The following MFAP1 variants were observed in gnomAD, a reference collection of about 807,000 sequenced individuals.
MFAP1 encodes microfibril associated protein 1.
In MFAP1, 18 loss-of-function variants were observed where a neutral mutation model predicts 62.2. The observed-to-expected ratio is 0.29, with a 90% CI of 0.20 to 0.43. MFAP1 has a LOEUF of 0.43. Ranked by LOEUF, MFAP1 falls within the 20% of genes least tolerant of loss-of-function variation. The pLI is 1.00. For synonymous variants in MFAP1, 175 were observed against 180.4 expected (o/e 0.97, Z 0.24); for missense variants, 355 against 559.7 (o/e 0.63, Z 3.69).
Position 43,809,738 on chromosome 15 carries a change from C to T in MFAP1, c.1047+17G>A. The T allele has an allele frequency of 6.2e-7, 1 of 1,609,384 alleles. No individual in the cohort carries two copies. Among genetic ancestry groups the T allele is most frequent in the Non-Finnish European group, 8.5e-7 (1 of 1,176,594 alleles). On this transcript the variant is annotated intron_variant, in intron 7 of 8. Coordinates refer to ENST00000267812, the MANE Select transcript of MFAP1 (RefSeq NM_005926.3). ...ATTCCTACTGCCCAATTTTCTGACT[C>T]TCTTTTCACTTCTTACCATGAAGAA...
chr15:43,805,134 A>C lies in MFAP1; in HGVS notation c.1280T>G (p.Val427Gly). 6.3e-7 allele frequency: 1 copy of C among 1,595,678 alleles called. No individual in the cohort carries two copies. Among genetic ancestry groups the C allele is most frequent in the Non-Finnish European group, 8.6e-7 (1 of 1,164,684 alleles). ...CTTCTTGGCAGATGGCCGCTCAAAT[A>C]CATCTCGTACCCCAGCTGCCTTTTG... ...FKQKAAGVRD[V>G]FERPSAKKRK... Residue 427 changes from valine to glycine, a missense_variant, in exon 9 of 9, where the codon GTA (valine) becomes GGA (glycine). Transcript: ENST00000267812.
At chr15:43,812,478 C>T (rs1242360377) in intron 6 of MFAP1, among the ~76,000 whole-genome samples, 1 of 152,128 alleles carries the variant, frequency 6.6e-6, no homozygotes, top group East Asian at 1.9e-4. Flanking sequence ...CAGTCTAATC[C>T]AGTGAAGGAT....
chr15:43,821,209 G>T (rs965261059), intron 1 of MFAP1, among the ~76,000 whole-genome samples: 1 of 152,108 alleles, frequency 6.6e-6, no homozygotes, highest in Non-Finnish European at 1.5e-5. Flanking sequence ...AATGTACAAG[G>T]CTTTTAGGAG....
rs777008327 is a variant in MFAP1 at position 43,817,373 on chromosome 15, G to T, written c.155C>A (p.Ser52Tyr). Residue 52 changes from serine (S) to tyrosine (Y), a missense_variant, in exon 2 of 9, where the codon TCC (serine) becomes TAC (tyrosine). Transcript: ENST00000267812. ...AAATTCTTCATCCTCCTCATCTGAG[G>T]ACTCCATAGGGGCATAGTCTGGCCT... ...GKRPDYAPME[S>Y]SDEEDEEFQF... is the part of the protein sequence containing the mutation. 1.9e-6 allele frequency: 3 copies of T among 1,614,070 alleles called. No homozygotes were observed. The highest frequency in any genetic ancestry group is 1.7e-6 in the Non-Finnish European group (2 of 1,180,032).
chr15:43,807,569 C>T (rs1342075119), intron 7 of MFAP1, among the ~76,000 whole-genome samples: 2 of 151,606 alleles, frequency 1.3e-5, no homozygotes, highest in Non-Finnish European at 2.9e-5. Context: ...AGGATGGTCT[C>T]AATCTCCTGA....
chr15:43,813,935 G>C (rs1418909639), intron 4 of MFAP1, among the ~76,000 whole-genome samples: 2 of 152,106 alleles, frequency 1.3e-5, no homozygotes, highest in Non-Finnish European at 2.9e-5. Flanking sequence ...GAATTTGCTC[G>C]TTGAGTTTAA....
intron 7 of MFAP1, among the ~76,000 whole-genome samples, chr15:43,806,645 C>T (rs554877589): frequency 7.9e-5 from 12 of 151,522 alleles, no homozygotes; most frequent in Admixed American, 4.6e-4. Context: ...GAGGCCAAGG[C>T]GGGCGGATCA....
intron 6 of MFAP1, among the ~76,000 whole-genome samples, chr15:43,810,569 G>A (rs1168522199): frequency 2.6e-5 from 4 of 151,892 alleles, no homozygotes; most frequent in Admixed American, 6.6e-5. Flanking sequence ...GGGTTTCACC[G>A]TGTTAGCCAG....
At chr15:43,817,199 T>C (rs1353679881) in intron 2 of MFAP1, 30 bp downstream of exon 2, 1 of 1,593,114 alleles carries the variant, frequency 6.3e-7, no homozygotes, top group East Asian at 2.2e-5. Flanking sequence ...TAGAGGTTCA[T>C]GTTCAAGTAA....
At chr15:43,819,885 C>T (rs1370092117) in intron 1 of MFAP1, among the ~76,000 whole-genome samples, 8 of 152,210 alleles carry the variant, frequency 5.3e-5, no homozygotes, top group Admixed American at 2.0e-4. Context: ...TGGTGGCTCA[C>T]GCCTGTAATC....
intron 7 of MFAP1, among the ~76,000 whole-genome samples, chr15:43,808,601 T>G (rs901818677): frequency 1.3e-5 from 2 of 152,218 alleles, no homozygotes; most frequent in African/African-American, 4.8e-5. Context: ...GCAAACAAAC[T>G]TTATGACCGA....
chr15:43,818,260 C>T (rs533434381), intron 1 of MFAP1, among the ~76,000 whole-genome samples: 2 of 152,050 alleles, frequency 1.3e-5, no homozygotes, highest in African/African-American at 4.8e-5. Context: ...ACCTCATGAT[C>T]CGCCCACCTC....
At chr15:43,821,878 CA>C (rs1387938711) in intron 1 of MFAP1, among the ~76,000 whole-genome samples, 1 of 150,570 alleles carries the variant, frequency 6.6e-6, no homozygotes, top group Non-Finnish European at 1.5e-5. Flanking sequence ...AAACGATATA[CA>C]AAAAAAAGCT....
chr15:43,806,813 A>G (rs906958515), intron 7 of MFAP1, among the ~76,000 whole-genome samples: 2 of 152,214 alleles, frequency 1.3e-5, no homozygotes, highest in Non-Finnish European at 2.9e-5. Context: ...TGGAGGTTGC[A>G]GTGAGCTGAG....
intron 1 of MFAP1, among the ~76,000 whole-genome samples, chr15:43,819,078 A>C (rs2087451860): frequency 6.6e-6 from 1 of 152,202 alleles, no homozygotes; most frequent in African/African-American, 2.4e-5. Flanking sequence ...TTTTAATCCA[A>C]GCTACTCAGG....
In MFAP1 at chr15:43,805,273, TG is replaced by T; in HGVS notation, c.1140del (p.Lys381ArgfsTer102). On this transcript the variant is annotated frameshift_variant and splice_region_variant, in exon 9 of 9. Coordinates refer to ENST00000267812, the MANE Select transcript of MFAP1 (RefSeq NM_005926.3). LOFTEE classifies it high-confidence loss of function. ...NKTILPKVMQ[V>X]KNFGRSGRTK... ...GTGCGACCTGAGCGTCCAAAGTTCTTGACCTGAGGGAAGGATGGATGATGAG... is the reference window on the plus strand; with the variant it reads ...GTGCGACCTGAGCGTCCAAAGTTCTTACCTGAGGGAAGGATGGATGATGAG... 6.3e-7 allele frequency: 1 copy of T among 1,596,730 alleles called. No individual in the cohort carries two copies. Among genetic ancestry groups the T allele is most frequent in the Non-Finnish European group, 8.6e-7 (1 of 1,167,146 alleles).
intron 1 of MFAP1, among the ~76,000 whole-genome samples, chr15:43,822,955 C>A (rs1254204131): frequency 6.6e-6 from 1 of 151,934 alleles, no homozygotes; most frequent in Non-Finnish European, 1.5e-5. Context: ...TCTCCTGCCT[C>A]AGCCTACCGA....
At chr15:43,805,837 A>C (rs1313622560) in intron 7 of MFAP1, among the ~76,000 whole-genome samples, 6 of 151,932 alleles carry the variant, frequency 3.9e-5, no homozygotes, top group East Asian at 3.8e-4. Flanking sequence ...TGGTCTCGAT[A>C]TCCCGACCTT....
At chr15:43,818,553 T>G (rs1310417970) in intron 1 of MFAP1, among the ~76,000 whole-genome samples, 4 of 148,872 alleles carry the variant, frequency 2.7e-5, no homozygotes, top group African/African-American at 1.0e-4. Context: ...CCAACACAAC[T>G]TATTAGAATT....
Sources: gnomAD v4.1 joint callset for allele counts (sites outside exome capture counted in the v4.1 genomes callset) on GRCh38, gnomAD v4.1.1 for gene constraint, MANE v1.5 for transcripts, NCBI Gene and HGNC (gene_info 2026-07-23, HGNC 2026-07-21) for gene names.